LHFPL6: variants seen among roughly 807,000 people sequenced by gnomAD.
LHFPL6 encodes the protein LHFPL tetraspan subfamily member 6 protein.
In LHFPL6, 9 loss-of-function variants were observed where a neutral mutation model predicts 20.6. That is an observed-to-expected ratio of 0.44 (90% CI 0.26 to 0.76). The LOEUF is 0.76. LHFPL6 is among the 30% of genes least tolerant of loss of function. The pLI is 0.20. For missense variants in LHFPL6, 218 were observed against 253.5 expected, an observed-to-expected ratio of 0.86 and a Z score of 0.95; for synonymous variants, 105 against 98.7, an observed-to-expected ratio of 1.06 and a Z score of -0.38.
intron 2 of LHFPL6, among the ~76,000 whole-genome samples, chr13:39,386,148 T>C (rs1404734231): frequency 6.6e-6 from 1 of 152,240 alleles, no homozygotes; most frequent in East Asian, 1.9e-4. Context: ...GTCTGTTATC[T>C]GAACTTCTCT....
chr13:39,482,236 G>A (rs1168436625), intron 2 of LHFPL6, among the ~76,000 whole-genome samples: 1 of 152,192 alleles, frequency 6.6e-6, no homozygotes, highest in African/African-American at 2.4e-5. Context: ...TTGAGGTCAG[G>A]AGTTTGAGAC....
In LHFPL6 at chr13:39,598,071, T is replaced by C. The variant is rs184404704; in HGVS notation, c.385+2761A>G. 1.7e-4 allele frequency among the ~76,000 whole-genome samples: 26 copies of C among 152,368 alleles called. No individual in the cohort carries two copies. In the East Asian group the frequency reaches 5.0e-3, roughly 29 times the overall value. Reference sequence around the variant, plus strand: ...ATTTTTAGCAGGAGAATCTGCCTCATAGCAAAGTTCCCTGTATGTTGATTA... The same window carrying C: ...ATTTTTAGCAGGAGAATCTGCCTCACAGCAAAGTTCCCTGTATGTTGATTA... On this transcript the variant is annotated intron_variant, in intron 2 of 3. Transcript: ENST00000379589.
At chr13:39,486,753 T>A (rs1237149035) in intron 2 of LHFPL6, among the ~76,000 whole-genome samples, 1 of 152,236 alleles carries the variant, frequency 6.6e-6, no homozygotes, top group East Asian at 1.9e-4. Context: ...AATGCTAACC[T>A]ATCAGGATAT....
intron 2 of LHFPL6, among the ~76,000 whole-genome samples, chr13:39,380,930 G>A (rs1413414314): frequency 6.6e-6 from 1 of 152,148 alleles, no homozygotes; most frequent in African/African-American, 2.4e-5. Flanking sequence ...GGACTGTCTA[G>A]TTGCAGGAAA....
intron 2 of LHFPL6, among the ~76,000 whole-genome samples, chr13:39,418,841 C>T (rs1392084573): frequency 6.6e-6 from 1 of 152,092 alleles, no homozygotes; most frequent in Non-Finnish European, 1.5e-5. Flanking sequence ...ACCAAACAGC[C>T]TTGCCGACTT....
In LHFPL6 at chr13:39,374,194, A is replaced by G. The variant is rs531710433; in HGVS notation, c.484+4234T>C. Among the ~76,000 whole-genome samples, 6 of 152,320 alleles carry G rather than the reference A, an allele frequency of 3.9e-5. No individual in the cohort carries two copies. In the South Asian group the frequency reaches 8.3e-4, roughly 21 times the overall value. ...CCACACCATGGAATACTACACAGCC[A>G]TAAAAAGGAATGAAATAATGTCCTT... On this transcript the variant is annotated intron_variant, in intron 3 of 3. Coordinates refer to ENST00000379589, the MANE Select transcript of LHFPL6 (RefSeq NM_005780.3).
chr13:39,531,359 G>A (rs1870460289), intron 2 of LHFPL6, among the ~76,000 whole-genome samples: 1 of 152,138 alleles, frequency 6.6e-6, no homozygotes, highest in Non-Finnish European at 1.5e-5. Context: ...CCTGTAGATA[G>A]CCATGCTTAC....
At chr13:39,404,140 T>A (rs1215728679) in intron 2 of LHFPL6, among the ~76,000 whole-genome samples, 1 of 152,240 alleles carries the variant, frequency 6.6e-6, no homozygotes, top group African/African-American at 2.4e-5. Flanking sequence ...AAGCACGTGA[T>A]GGAATTTTGT....
At chr13:39,568,108 A>T (rs559577966) in intron 2 of LHFPL6, among the ~76,000 whole-genome samples, 1 of 152,324 alleles carries the variant, frequency 6.6e-6, no homozygotes, top group South Asian at 2.1e-4. Context: ...TAGAAACCAA[A>T]CATCATAAAT....
chr13:39,549,803 G>A (rs968337164), intron 2 of LHFPL6, among the ~76,000 whole-genome samples: 1 of 152,052 alleles, frequency 6.6e-6, no homozygotes, highest in African/African-American at 2.4e-5. Context: ...TACCAAAAAT[G>A]TGATATAGCC....
At chr13:39,401,887 GGAAT>G (rs1870999499) in intron 2 of LHFPL6, among the ~76,000 whole-genome samples, 1 of 152,126 alleles carries the variant, frequency 6.6e-6, no homozygotes, top group African/African-American at 2.4e-5. Context: ...AGGAAGATAG[GGAAT>G]GATCCAGGCC....
rs781528840 is a variant in LHFPL6 at position 39,601,110 on chromosome 13, G to A, written c.107C>T (p.Ser36Leu). 12 of 1,614,184 alleles carry A rather than the reference G, an allele frequency of 7.4e-6. No homozygotes were observed. In the South Asian group the frequency reaches 1.3e-4, roughly 18 times the overall value. ...GFFMPYWLWG[S>L]QLGKPVSFGT... ...GAAGGACACAGGCTTGCCCAGCTGTGATCCCCAGAGCCAGTAAGGCATAAA... is the reference window on the plus strand; with the variant it reads ...GAAGGACACAGGCTTGCCCAGCTGTAATCCCCAGAGCCAGTAAGGCATAAA... Residue 36 changes from serine to leucine, a missense_variant, in exon 2 of 4, where the codon TCA (serine) becomes TTA (leucine). Ser to Leu is a moderately radical substitution (Grantham distance 145). Transcript: ENST00000379589.
At chr13:39,594,850 A>G (rs1872718962) in intron 2 of LHFPL6, among the ~76,000 whole-genome samples, 1 of 152,218 alleles carries the variant, frequency 6.6e-6, no homozygotes, top group Non-Finnish European at 1.5e-5. Context: ...CATCATTCTC[A>G]GCAAACGATC....
At chr13:39,419,229 A>T (rs1159074723) in intron 2 of LHFPL6, among the ~76,000 whole-genome samples, 1 of 152,212 alleles carries the variant, frequency 6.6e-6, no homozygotes, top group East Asian at 1.9e-4. Flanking sequence ...GATGTGAAAA[A>T]AATGGCAAAT....
chr13:39,378,743 C>A (rs1870361258), intron 2 of LHFPL6, among the ~76,000 whole-genome samples: 1 of 152,146 alleles, frequency 6.6e-6, no homozygotes, highest in Admixed American at 6.5e-5. Flanking sequence ...CAGTTTGGGT[C>A]CAACTTTGCC....
chr13:39,447,177 T>A (rs1399042361), intron 2 of LHFPL6, among the ~76,000 whole-genome samples: 1 of 152,222 alleles, frequency 6.6e-6, no homozygotes. Context: ...CACACGTTAC[T>A]GTGAAACCCA....
intron 2 of LHFPL6, among the ~76,000 whole-genome samples, chr13:39,385,597 T>C (rs188292015): frequency 2.3e-4 from 35 of 152,364 alleles, no homozygotes; most frequent in Non-Finnish European, 4.4e-5. Context: ...AGCATGATAC[T>C]AATTGTTTCT....
chr13:39,469,653 A>G (rs1305302426), intron 2 of LHFPL6, among the ~76,000 whole-genome samples: 4 of 152,222 alleles, frequency 2.6e-5, no homozygotes, highest in African/African-American at 7.2e-5. Context: ...AGAAGGCCAG[A>G]CAGGCTCATG....
intron 2 of LHFPL6, among the ~76,000 whole-genome samples, chr13:39,562,451 T>TATATAC (rs1593364395): frequency 5.2e-5 from 6 of 114,640 alleles, no homozygotes; most frequent in East Asian, 6.6e-4. Flanking sequence ...TATATACACA[T>TATATAC]ATATACATAT....
Sources: gnomAD v4.1 joint callset for allele counts (sites outside exome capture counted in the v4.1 genomes callset) on GRCh38, gnomAD v4.1.1 for gene constraint, MANE v1.5 for transcripts, NCBI Gene and HGNC (gene_info 2026-07-23, HGNC 2026-07-21) for gene names.